The following RPL3 variants were observed in gnomAD, a reference collection of about 807,000 sequenced individuals.
RPL3 encodes the protein ribosomal protein L3.
A neutral mutation model predicts 46.0 loss-of-function variants in RPL3; 3 were observed. The observed-to-expected ratio is 0.07, with a 90% CI of 0.03 to 0.17. The LOEUF (loss-of-function observed/expected upper bound fraction) is 0.17, where lower values mean the gene tolerates loss of function less well. Among genes scored for constraint, RPL3 ranks in the 10% least tolerant of loss-of-function variants. The probability of loss-of-function intolerance (pLI) is 1.00; values close to 1 mark genes in which losing one functional copy is unlikely to be tolerated. For missense variants in RPL3, 387 were observed against 532.7 expected (o/e 0.73, Z 2.69); for synonymous variants, 224 against 190.8 (o/e 1.17, Z -1.43).
chr22:39,317,447 G>A lies in RPL3; in HGVS notation c.365+14C>T. ...AAGCTCCCAAGCTAGGGACTGCATG[G>A]CCTCCTCCCTTACCAATTCTTATAG... On this transcript the variant is annotated intron_variant, in intron 3 of 9. Coordinates refer to ENST00000216146, the MANE Select transcript of RPL3 (RefSeq NM_000967.4). 6.2e-7 allele frequency: 1 copy of A among 1,610,916 alleles called. No homozygotes were observed. The highest frequency in any genetic ancestry group is 8.5e-7 in the Non-Finnish European group (1 of 1,177,526).
chr22:39,316,346 C>G (rs1238367670), intron 4 of RPL3, among the ~76,000 whole-genome samples: 1 of 152,162 alleles, frequency 6.6e-6, no homozygotes, highest in African/African-American at 2.4e-5. Flanking sequence ...CGTGGTGGCC[C>G]TCACCACATG....
rs1456340727 is a variant in RPL3, at chr22:39,313,265, G to C, written c.1093C>G (p.Leu365Val). 1.2e-6 allele frequency: 2 copies of C among 1,612,950 alleles called. No individual in the cohort carries two copies. The highest frequency in any genetic ancestry group is 1.7e-5 in the Admixed American group (1 of 59,762). Residue 365 changes from leucine to valine, a missense_variant, in exon 9 of 10, where the codon CTT (leucine) becomes GTT (valine). Leu to Val is a conservative substitution (Grantham distance 32). Transcript: ENST00000216146. ...TKRRALEKID[L>V]KFIDTTSKFG... ...TTGGAGGTGGTGTCAATGAACTTAA[G>C]GTCAATCTTCTCCAGAGCCCGCCGC...
chr22:39,314,937 C>A, intron 5 of RPL3, 91 bp from the exon 6 acceptor site: 1 of 1,517,126 alleles, frequency 6.6e-7, no homozygotes, highest in South Asian at 1.2e-5. Context: ...ATGGCTGGGT[C>A]ATCTGAGGGA....
chr22:39,315,897 C>T (rs1922655865), intron 4 of RPL3, among the ~76,000 whole-genome samples: 1 of 152,214 alleles, frequency 6.6e-6, no homozygotes. Context: ...CAGCCACCTA[C>T]ACTTGCCCTA....
chr22:39,314,383 C>T (rs771090738), intron 6 of RPL3, 175 bp from the exon 7 acceptor site: 6 of 651,980 alleles, frequency 9.2e-6, no homozygotes, highest in Admixed American at 5.5e-5. Context: ...TTCTGTAAGG[C>T]GGCTGGGCTA....
Position 39,319,614 on chromosome 22 carries a change from G to C in RPL3, c.-17C>G. 6.5e-7 allele frequency: 1 copy of C among 1,549,148 alleles called. No individual in the cohort carries two copies. The highest frequency in any genetic ancestry group is 8.8e-7 in the Non-Finnish European group (1 of 1,142,254). The stretch of plus-strand genomic sequence containing the variant: ...ACATACCATCACGCCATCAAATCCC[G>C]CCGGTAGAGGCCGGTCGGCCTTACG... On this transcript the variant is annotated 5_prime_UTR_variant, in exon 1 of 10. Transcript: ENST00000216146.
intron 4 of RPL3, 96 bp from the exon 5 acceptor site, chr22:39,315,651 ACGGC>A: frequency 2.1e-6 from 3 of 1,443,976 alleles, no homozygotes; most frequent in Admixed American, 3.9e-5. Flanking sequence ...TGTCAAGCAC[ACGGC>A]AAAAAGCCAG....
rs768348679 is a variant in RPL3, at chr22:39,313,618, T to C, written c.1047+16A>G. 3.7e-6 allele frequency: 6 copies of C among 1,611,838 alleles called. No homozygotes were observed. The Admixed American group carries it at 5.0e-5, about 13-fold the overall frequency. ...TCTACAAGAGCCCCCCCATGACAAG[T>C]CAGGACCTGCCTCACCTTGCGGAGG... On this transcript the variant is annotated intron_variant, in intron 8 of 9. Coordinates refer to ENST00000216146, the MANE Select transcript of RPL3 (RefSeq NM_000967.4).
chr22:39,314,298 G>A, intron 6 of RPL3, 90 bp from the exon 7 acceptor site: 1 of 1,103,978 alleles, frequency 9.1e-7, no homozygotes, highest in Non-Finnish European at 1.4e-6. Flanking sequence ...ACGCTAGAAG[G>A]CAGCTGAGGC....
rs1569163227 is a variant in RPL3 at position 39,319,621 on chromosome 22, GA to G, written c.-25del. The G allele has an allele frequency of 1.9e-6, 3 of 1,549,074 alleles. No individual in the cohort carries two copies. Among genetic ancestry groups the G allele is most frequent in the Non-Finnish European group, 8.8e-7 (1 of 1,142,176 alleles). Reference sequence around the variant, plus strand: ...ATCACGCCATCAAATCCCGCCGGTAGAGGCCGGTCGGCCTTACGGGTCCGCT... The same window carrying G: ...ATCACGCCATCAAATCCCGCCGGTAGGGCCGGTCGGCCTTACGGGTCCGCT... On this transcript the variant is annotated 5_prime_UTR_variant, in exon 1 of 10. Coordinates refer to ENST00000216146, the MANE Select transcript of RPL3 (RefSeq NM_000967.4).
chr22:39,318,106 T>C, intron 2 of RPL3: 1 of 417,764 alleles, frequency 2.4e-6, no homozygotes, highest in Non-Finnish European at 4.3e-6. Flanking sequence ...CCTCAGCAGC[T>C]CCAACCCCCC....
At chr22:39,313,397 C>A in intron 8 of RPL3, 87 bp from the exon 9 acceptor site, 6 of 1,571,666 alleles carry the variant, frequency 3.8e-6, no homozygotes, top group Non-Finnish European at 5.2e-6. Flanking sequence ...ATCTGGGAAG[C>A]CACACGATCA....
Position 39,317,641 on chromosome 22 carries a change from A to G in RPL3, c.197-12T>C, listed in dbSNP as rs1217066340. ...CTTCTTGTTCACCTCTGCAAAAAAA[A>G]AGCAGTAGTCAGACTTGGCAGGAGC... On this transcript the variant is annotated splice_polypyrimidine_tract_variant and intron_variant, in intron 2 of 9. Coordinates refer to ENST00000216146, the MANE Select transcript of RPL3 (RefSeq NM_000967.4). 18 of 1,611,680 alleles carry G rather than the reference A, an allele frequency of 1.1e-5. No individual in the cohort carries two copies. Among genetic ancestry groups the G allele is most frequent in the Non-Finnish European group, 1.5e-5 (18 of 1,178,292 alleles).
intron 7 of RPL3, 147 bp from the exon 8 acceptor site, chr22:39,313,876 G>A (rs780199697): frequency 2.1e-5 from 19 of 893,100 alleles, no homozygotes; most frequent in African/African-American, 1.8e-4. Flanking sequence ...CGGGCGCTGT[G>A]CCCAGCGCAC....
At position 39,315,263 on chromosome 22, in the gene RPL3, G is replaced by A. The variant is rs774651790; in HGVS notation, c.688+106C>T. ...AGAATGGTTCTACACTGTCCGATTCGGGCGCTGTACCCAGCGCTCACTCTG... is the reference window on the plus strand; with the variant it reads ...AGAATGGTTCTACACTGTCCGATTCAGGCGCTGTACCCAGCGCTCACTCTG... On this transcript the variant is annotated intron_variant, in intron 5 of 9. Transcript: ENST00000216146. 36 of 1,447,086 alleles carry A rather than the reference G, an allele frequency of 2.5e-5. No homozygotes were observed. The Middle Eastern group carries it at 6.9e-4, about 28-fold the overall frequency. The allele number at this position is 1,447,086 out of a possible 1,614,324, so 89.6% of individuals were successfully genotyped here.
intron 9 of RPL3, 101 bp from the exon 10 acceptor site, chr22:39,313,085 AAG>A (rs2045265311): frequency 1.9e-6 from 3 of 1,605,268 alleles, no homozygotes; most frequent in African/African-American, 1.3e-5. Flanking sequence ...CCACAGCCAC[AAG>A]AGAGGCCTAA....
rs11548027 is a variant in RPL3, at chr22:39,318,472, G to A, written c.124C>T (p.His42Tyr). The A allele has an allele frequency of 5.6e-6, 9 of 1,614,022 alleles. No homozygotes were observed. Among genetic ancestry groups the A allele is most frequent in the Non-Finnish European group, 7.6e-6 (9 of 1,179,958 alleles). ...TTGTATCCCAGGAAGGCTGTGAGGT[G>A]GACCGGCTTGGACGGGTCATCCTTA... is the stretch of plus-strand genomic sequence containing the variant. ...FPKDDPSKPV[H>Y]LTAFLGYKAG... The change falls in exon 2 of 10, where the codon CAC becomes TAC. Residue 42 changes from histidine (H) to tyrosine (Y), a missense_variant. This residue lies in a region of RPL3 where 196 missense variants were observed against 217.5 expected (regional missense o/e 0.90). Transcript: ENST00000216146.
rs916972886 is a variant in RPL3, at chr22:39,318,743, G to A, written c.4-151C>T. On this transcript the variant is annotated intron_variant, in intron 1 of 9. Coordinates refer to ENST00000216146, the MANE Select transcript of RPL3 (RefSeq NM_000967.4). ...AATAAAAAGGTCATTATCTCTTCCA[G>A]GCTCGCACGTGTCAAGAATGCTTTT... 2.0e-5 allele frequency: 13 copies of A among 649,516 alleles called. No individual in the cohort carries two copies. In the Admixed American group the frequency reaches 3.9e-4, roughly 20 times the overall value. 40.2% of individuals were successfully genotyped at this position (649,516 alleles called of 1,614,324 possible). A position where few individuals can be genotyped will look rare whatever the true frequency, so the allele number is the denominator to read the frequency against.
chr22:39,317,667 CCAAG>C (rs757598580), intron 2 of RPL3, 38 bp from the exon 3 acceptor site: 3 of 1,606,746 alleles, frequency 1.9e-6, no homozygotes, highest in Admixed American at 1.7e-5. Context: ...TGGCAGGAGC[CCAAG>C]CAAGGGGTGT....
Sources: allele counts gnomAD v4.1 joint callset (sites outside exome capture counted in the v4.1 genomes callset), GRCh38; gene constraint gnomAD v4.1.1; regional missense constraint gnomAD v4.1.1; transcripts MANE v1.5; gene names NCBI Gene and HGNC (gene_info 2026-07-23, HGNC 2026-07-21).